STRN3: variants seen among roughly 807,000 people sequenced by gnomAD.
STRN3 encodes striatin-3.
A neutral mutation model predicts 95.6 loss-of-function variants in STRN3; 29 were observed. The observed-to-expected ratio is 0.30, with a 90% CI of 0.23 to 0.41. STRN3 has a LOEUF of 0.41. STRN3 is among the 10% of genes least tolerant of loss of function. The pLI, the probability that STRN3 is intolerant of heterozygous loss-of-function variation, is 1.00. For missense variants in STRN3, 890 were observed against 972.1 expected (o/e 0.92, Z 1.12); for synonymous variants, 331 against 357.6 (o/e 0.93, Z 0.84).
intron 16 of STRN3, among the ~76,000 whole-genome samples, chr14:30,897,252 A>T (rs1165563699): frequency 2.0e-5 from 3 of 152,154 alleles, no homozygotes; most frequent in African/African-American, 7.2e-5. Flanking sequence ...CCACAACATA[A>T]TAAAATGTGT....
At chr14:30,925,863 C>T (rs148684028) in intron 8 of STRN3, among the ~76,000 whole-genome samples, 1 of 151,910 alleles carries the variant, frequency 6.6e-6, no homozygotes, top group African/African-American at 2.4e-5. Flanking sequence ...ATGAATTATT[C>T]TAACTTGTAC....
At chr14:30,911,691 T>G in intron 12 of STRN3, 86 bp downstream of exon 12, 14 of 1,219,342 alleles carry the variant, frequency 1.1e-5, no homozygotes, top group East Asian at 2.5e-5. Flanking sequence ...TACAAAACAT[T>G]GAGAAAATTA....
chr14:30,908,732 T>G (rs1896532117), intron 13 of STRN3, among the ~76,000 whole-genome samples: 1 of 152,212 alleles, frequency 6.6e-6, no homozygotes, highest in Non-Finnish European at 1.5e-5. Flanking sequence ...TTTCCTTTCT[T>G]GGCTCTCTTG....
At chr14:31,010,418 T>G (rs1379690959) in intron 1 of STRN3, among the ~76,000 whole-genome samples, 3 of 131,322 alleles carry the variant, frequency 2.3e-5, no homozygotes, top group Non-Finnish European at 4.6e-5. Context: ...CAACAATGAC[T>G]ATGTATTGGC....
chr14:30,912,518 T>C (rs527811014), intron 10 of STRN3, among the ~76,000 whole-genome samples: 86 of 152,306 alleles, frequency 5.6e-4, no homozygotes, highest in Middle Eastern at 3.4e-3. Flanking sequence ...GAAAAATAAT[T>C]ACATAAGTTA....
chr14:30,895,414 T>G lies in STRN3; in HGVS notation c.2391A>C (p.Val797=). ...AGADALAKVF[V] is the part of the protein sequence containing the mutation. ...TACGATGCAAGTTTTTGTTGATTCA[T>G]ACAAATACTTTGGCAAGAGCATCAG... The change falls in exon 18 of 18, where the codon GTA becomes GTC. Residue 797 remains valine (V), a synonymous_variant. Coordinates refer to ENST00000357479, the MANE Select transcript of STRN3 (RefSeq NM_001083893.2). 1 of 1,602,170 alleles carries G rather than the reference T, an allele frequency of 6.2e-7. No individual in the cohort carries two copies. Among genetic ancestry groups the G allele is most frequent in the Non-Finnish European group, 8.5e-7 (1 of 1,173,354 alleles).
intron 9 of STRN3, among the ~76,000 whole-genome samples, chr14:30,914,156 T>TA (rs1433746973): frequency 6.6e-6 from 1 of 152,178 alleles, no homozygotes; most frequent in African/African-American, 2.4e-5. Flanking sequence ...TAGTCCCTGA[T>TA]AAAAACTAGT....
intron 1 of STRN3, among the ~76,000 whole-genome samples, chr14:31,001,086 G>T (rs1226949691): frequency 6.6e-6 from 1 of 152,166 alleles, no homozygotes; most frequent in Non-Finnish European, 1.5e-5. Context: ...TGTGTTGGAT[G>T]CTTCTGTTGA....
chr14:30,992,171 A>G (rs1881987751), intron 1 of STRN3, among the ~76,000 whole-genome samples: 1 of 152,094 alleles, frequency 6.6e-6, no homozygotes, highest in Non-Finnish European at 1.5e-5. Context: ...GCACTTTCGG[A>G]GGCTGAGGCG....
At chr14:30,984,322 T>G (rs1881573273) in intron 1 of STRN3, among the ~76,000 whole-genome samples, 1 of 138,222 alleles carries the variant, frequency 7.2e-6, no homozygotes. Context: ...CGCTGTTGCA[T>G]GAACCCAAGA....
Position 30,895,708 on chromosome 14 carries a change from A to G in STRN3, c.2178T>C (p.Val726=). The change falls in exon 17 of 18, where the codon GTT becomes GTC. Residue 726 remains valine, a synonymous_variant. Transcript: ENST00000357479. ...CATTAGGATCTACTGCTAGACTTGT[A>G]ACAGCATCCAAGTGAGCTACCATAG... The part of the protein sequence containing the change: ...IHSMVAHLDA[V]TSLAVDPNGI... 6.2e-7 allele frequency: 1 copy of G among 1,614,062 alleles called. No homozygotes were observed. The highest frequency in any genetic ancestry group is 8.5e-7 in the Non-Finnish European group (1 of 1,180,000).
At position 31,026,226 on chromosome 14, in the gene STRN3, A is replaced by G; in HGVS notation, c.-41T>C. On this transcript the variant is annotated 5_prime_UTR_variant, in exon 1 of 18. Transcript: ENST00000357479. ...GGCCGGGGCGCAGGGCGAGACGCCG[A>G]CAGCTGGGGGAAGGGCCGGAGAGGG... 2.2e-6 allele frequency: 3 copies of G among 1,378,484 alleles called. No homozygotes were observed. The highest frequency in any genetic ancestry group is 2.6e-4 in the Middle Eastern group (1 of 3,808). The allele number at this position is 1,378,484 out of a possible 1,614,324, so 85.4% of individuals were successfully genotyped here.
At chr14:30,947,397 A>G (rs1879416787) in intron 4 of STRN3, 134 bp from the exon 5 acceptor site, 2 of 654,238 alleles carry the variant, frequency 3.1e-6, no homozygotes, top group South Asian at 5.9e-5. Flanking sequence ...TCTTCTCTAC[A>G]GACTAGTTCC....
At chr14:30,931,427 C>A (rs1265835151) in intron 7 of STRN3, among the ~76,000 whole-genome samples, 3 of 152,154 alleles carry the variant, frequency 2.0e-5, no homozygotes, top group Non-Finnish European at 4.4e-5. Flanking sequence ...AAAGTTGACT[C>A]CTGACAGCTC....
At chr14:31,018,647 G>T in intron 1 of STRN3, 1 of 476,390 alleles carries the variant, frequency 2.1e-6, no homozygotes, top group Non-Finnish European at 4.2e-6. Flanking sequence ...GAACTTTGCG[G>T]ACAAAACTGG....
intron 7 of STRN3, among the ~76,000 whole-genome samples, chr14:30,929,652 A>C (rs1878382328): frequency 6.6e-6 from 1 of 152,118 alleles, no homozygotes; most frequent in African/African-American, 2.4e-5. Flanking sequence ...AAAATTATTC[A>C]GCCAGCATCA....
At chr14:30,923,440 G>A (rs947686728) in intron 8 of STRN3, among the ~76,000 whole-genome samples, 2 of 152,140 alleles carry the variant, frequency 1.3e-5, no homozygotes, top group Admixed American at 1.3e-4. Flanking sequence ...GCCAGAAGGT[G>A]CATAGCAATT....
chr14:31,003,349 G>GAA (rs546113177), intron 1 of STRN3, among the ~76,000 whole-genome samples: 28 of 142,968 alleles, frequency 2.0e-4, no homozygotes, highest in South Asian at 6.7e-4. Context: ...TTAAAAATTG[G>GAA]AAAAAAAAAA....
intron 1 of STRN3, among the ~76,000 whole-genome samples, chr14:31,020,498 TA>T (rs547694221): frequency 2.8e-3 from 401 of 141,346 alleles, no homozygotes; most frequent in Admixed American, 3.0e-3. Flanking sequence ...AAACTGTCTC[TA>T]AAAAAAAAAA....
Sources: allele counts gnomAD v4.1 joint callset (sites outside exome capture counted in the v4.1 genomes callset), GRCh38; gene constraint gnomAD v4.1.1; transcripts MANE v1.5; gene names NCBI Gene and HGNC (gene_info 2026-07-23, HGNC 2026-07-21).